PTPRT: variants seen among roughly 807,000 people sequenced by gnomAD.
The protein encoded by PTPRT is protein tyrosine phosphatase receptor type T.
A neutral mutation model predicts 176.8 loss-of-function variants in PTPRT; 56 were observed. The ratio of observed to expected loss-of-function variants is 0.32; its 90% CI spans 0.26 to 0.40. The LOEUF (loss-of-function observed/expected upper bound fraction) is 0.40. Among genes scored for constraint, PTPRT ranks in the 10% least tolerant of loss-of-function variants. PTPRT has a pLI of 1.00. For synonymous variants in PTPRT, 783 were observed against 739.0 expected, an observed-to-expected ratio of 1.06 and a Z score of -0.96; for missense variants, 1,540 against 1,908.2, an observed-to-expected ratio of 0.81 and a Z score of 3.60.
intron 1 of PTPRT, among the ~76,000 whole-genome samples, chr20:43,188,754 G>GGGC (rs982814542): frequency 6.7e-6 from 1 of 150,288 alleles, no homozygotes. Context: ...ACTCTTGGGG[G>GGGC]GGGGGGGGCT....
At chr20:42,687,516 A>T (rs3092663) in intron 6 of PTPRT, 21,732 of 152,206 alleles carry the variant, frequency 0.14, 2,226 homozygotes, top group African/African-American at 0.28. Flanking sequence ...AGCAGAGTAA[A>T]CATTCTAGAA....
chr20:42,527,621 C>T (rs532856140), intron 7 of PTPRT, among the ~76,000 whole-genome samples: 3 of 152,324 alleles, frequency 2.0e-5, no homozygotes, highest in Admixed American at 6.5e-5. Context: ...GCAGAAGGGT[C>T]TTTGCTATCT....
At chr20:42,751,276 G>C (rs925061046) in intron 6 of PTPRT, among the ~76,000 whole-genome samples, 1 of 152,088 alleles carries the variant, frequency 6.6e-6, no homozygotes, top group Non-Finnish European at 1.5e-5. Context: ...GGAGTGGTTA[G>C]GGTTTTGAAT....
intron 9 of PTPRT, among the ~76,000 whole-genome samples, chr20:42,441,326 G>A (rs2059314103): frequency 6.6e-6 from 1 of 152,154 alleles, no homozygotes; most frequent in Non-Finnish European, 1.5e-5. Context: ...CCTGACGAGT[G>A]TAGAGTGAAG....
intron 1 of PTPRT, among the ~76,000 whole-genome samples, chr20:43,162,027 G>A (rs940028309): frequency 1.3e-5 from 2 of 152,156 alleles, no homozygotes; most frequent in Admixed American, 6.5e-5. Context: ...ATGCTAATAT[G>A]GTGATTCCTG....
intron 6 of PTPRT, among the ~76,000 whole-genome samples, chr20:42,708,619 C>T (rs1478234761): frequency 6.6e-6 from 1 of 152,214 alleles, no homozygotes; most frequent in African/African-American, 2.4e-5. Flanking sequence ...TTCCACTTTG[C>T]ATTTCCCGTA....
At position 42,865,234 on chromosome 20, in the gene PTPRT, G is replaced by A. The variant is rs183299709; in HGVS notation, c.214+20573C>T. On this transcript the variant is annotated intron_variant, in intron 2 of 30. Transcript: ENST00000373187. ...CCTAATCAGGGCTCTTCCTTGTATA[G>A]GTTAAGGCCACTGGAGCCCAGAGAG... Among the ~76,000 whole-genome samples, 5 of 152,308 alleles carry A rather than the reference G, an allele frequency of 3.3e-5. No homozygotes were observed. In the East Asian group the frequency reaches 5.8e-4, roughly 18 times the overall value.
intron 11 of PTPRT, among the ~76,000 whole-genome samples, chr20:42,329,485 A>G (rs2057934567): frequency 7.2e-6 from 1 of 138,156 alleles, no homozygotes. Context: ...ACACACACAC[A>G]CACACACACA....
At chr20:42,857,006 C>T (rs2078575582) in intron 2 of PTPRT, among the ~76,000 whole-genome samples, 1 of 152,160 alleles carries the variant, frequency 6.6e-6, no homozygotes, top group South Asian at 2.1e-4. Context: ...TCTGGGGCTA[C>T]ATGCCCAACA....
At chr20:42,672,700 A>T (rs2075434121) in intron 7 of PTPRT, among the ~76,000 whole-genome samples, 1 of 152,136 alleles carries the variant, frequency 6.6e-6, no homozygotes, top group African/African-American at 2.4e-5. Context: ...AACACTTGAC[A>T]ATCTCCCCCT....
At chr20:42,117,202 C>CCAT (rs1987332809) in intron 21 of PTPRT, among the ~76,000 whole-genome samples, 1 of 152,158 alleles carries the variant, frequency 6.6e-6, no homozygotes, top group Non-Finnish European at 1.5e-5. Context: ...CCTGAGATGT[C>CCAT]CATACCCCTT....
chr20:42,315,884 A>G lies in PTPRT; in HGVS notation c.1978T>C (p.Ser660Pro), dbSNP rs1481801840. 6.2e-7 allele frequency: 1 copy of G among 1,613,896 alleles called. No individual in the cohort carries two copies. The highest frequency in any genetic ancestry group is 8.5e-7 in the Non-Finnish European group (1 of 1,179,998). Residue 660 changes from serine (S) to proline (P), a missense_variant, in exon 12 of 31, where the codon TCT becomes CCT. By Grantham distance (74) the Ser-to-Pro change is moderately conservative. Around this residue, in one of 11 missense-constraint regions of PTPRT, gnomAD observed 81 missense variants for 89.9 expected, o/e 0.90. Coordinates refer to ENST00000373187, the MANE Select transcript of PTPRT (RefSeq NM_007050.6). ...AACTCAGCAGCAAAGTAGTGTAGAG[A>G]ATCGAGGCTGGAGGCATTCCGATAG... ...VSYRNASSLDSLHYFAAELKP... is the reference protein window; with the variant it reads ...VSYRNASSLDPLHYFAAELKP...
intron 1 of PTPRT, among the ~76,000 whole-genome samples, chr20:42,967,046 G>A (rs978673012): frequency 1.3e-5 from 2 of 152,186 alleles, no homozygotes; most frequent in Non-Finnish European, 2.9e-5. Context: ...CACCTCGGGA[G>A]GTGATATGAC....
chr20:42,485,265 A>G (rs1354026161), intron 7 of PTPRT, among the ~76,000 whole-genome samples: 3 of 152,224 alleles, frequency 2.0e-5, no homozygotes, highest in Non-Finnish European at 4.4e-5. Context: ...TTTCACTTCA[A>G]TTCCCACTTG....
chr20:42,900,897 G>A (rs1200575571), intron 1 of PTPRT, among the ~76,000 whole-genome samples: 3 of 152,088 alleles, frequency 2.0e-5, no homozygotes, highest in Non-Finnish European at 4.4e-5. Flanking sequence ...CAGGGCTCAA[G>A]GCATAAAACC....
chr20:42,279,529 A>T (rs1440882108), intron 13 of PTPRT, among the ~76,000 whole-genome samples: 1 of 152,102 alleles, frequency 6.6e-6, no homozygotes, highest in Non-Finnish European at 1.5e-5. Flanking sequence ...TGAGACAATA[A>T]ATTTGTGTTA....
chr20:42,705,074 G>A (rs1239145283), intron 6 of PTPRT, among the ~76,000 whole-genome samples: 1 of 152,124 alleles, frequency 6.6e-6, no homozygotes, highest in African/African-American at 2.4e-5. Context: ...GCATGGTGGT[G>A]CATGCCTGTA....
intron 6 of PTPRT, among the ~76,000 whole-genome samples, chr20:42,730,034 C>T (rs887036707): frequency 6.6e-6 from 1 of 152,170 alleles, no homozygotes; most frequent in African/African-American, 2.4e-5. Context: ...GGTAGATTTG[C>T]CCTAATTTTA....
intron 12 of PTPRT, among the ~76,000 whole-genome samples, chr20:42,299,149 G>T (rs1197320901): frequency 6.6e-6 from 1 of 151,968 alleles, no homozygotes; most frequent in African/African-American, 2.4e-5. Context: ...TGATGTAAAA[G>T]AAGTGATATG....
Sources: gnomAD v4.1 joint callset for allele counts (sites outside exome capture counted in the v4.1 genomes callset) on GRCh38, gnomAD v4.1.1 for gene constraint, gnomAD v4.1.1 regional missense constraint, MANE v1.5 for transcripts, NCBI Gene and HGNC (gene_info 2026-07-23, HGNC 2026-07-21) for gene names.